The following GRK5 variants were observed in gnomAD, a reference collection of about 807,000 sequenced individuals.
GRK5 encodes the protein g protein-coupled receptor kinase GRK5.
GRK5 carries 40 observed loss-of-function variants against 78.4 expected under a neutral mutation model. The observed-to-expected ratio is 0.51, with a 90% CI of 0.40 to 0.66. GRK5 has a LOEUF of 0.66. Ranked by LOEUF, GRK5 falls within the 30% of genes least tolerant of loss-of-function variation. GRK5 has a pLI of 0.00. For missense variants in GRK5, 598 were observed against 759.9 expected (o/e 0.79, Z 2.50); for synonymous variants, 289 against 296.8 (o/e 0.97, Z 0.27).
intron 3 of GRK5, among the ~76,000 whole-genome samples, chr10:119,384,114 C>T (rs1251618150): frequency 6.6e-5 from 10 of 152,182 alleles, no homozygotes; most frequent in Non-Finnish European, 5.9e-5. Context: ...CCACTTCTGG[C>T]GTTTCTGACT....
chr10:119,314,263 G>A (rs1395224683), intron 1 of GRK5, among the ~76,000 whole-genome samples: 3 of 152,328 alleles, frequency 2.0e-5, no homozygotes, highest in South Asian at 2.1e-4. Context: ...CCCTCTCGCC[G>A]CCTCCTGGCC....
intron 1 of GRK5, among the ~76,000 whole-genome samples, chr10:119,260,006 GT>G (rs1033351828): frequency 7.5e-5 from 11 of 146,728 alleles, no homozygotes; most frequent in Non-Finnish European, 7.6e-5. Context: ...GAGATCAGTT[GT>G]TTTTTTTTTT....
intron 1 of GRK5, among the ~76,000 whole-genome samples, chr10:119,241,482 A>G (rs1291971564): frequency 2.0e-5 from 3 of 152,228 alleles, no homozygotes; most frequent in Admixed American, 2.0e-4. Flanking sequence ...CCACACCGTT[A>G]ACTGCAAACT....
At chr10:119,305,462 C>G (rs1850258792) in intron 1 of GRK5, among the ~76,000 whole-genome samples, 1 of 152,222 alleles carries the variant, frequency 6.6e-6, no homozygotes, top group Non-Finnish European at 1.5e-5. Context: ...GGTCTCTGTC[C>G]TCTTGGGTGG....
chr10:119,380,754 C>A (rs912766390), intron 2 of GRK5, 61 bp from the exon 3 acceptor site: 1 of 1,031,852 alleles, frequency 9.7e-7, no homozygotes, highest in Non-Finnish European at 1.5e-6. Context: ...GTGGGAATGA[C>A]AGGAAGGCCC....
chr10:119,228,428 C>T (rs1320690102), intron 1 of GRK5, among the ~76,000 whole-genome samples: 2 of 138,740 alleles, frequency 1.4e-5, no homozygotes, highest in East Asian at 2.1e-4. Context: ...GCCTGGGCAA[C>T]ATAGTGAGAC....
chr10:119,404,437 A>C (rs556628816), intron 4 of GRK5, among the ~76,000 whole-genome samples: 2 of 152,332 alleles, frequency 1.3e-5, no homozygotes, highest in East Asian at 3.9e-4. Context: ...TATGACTTAC[A>C]CATATTTTCT....
intron 1 of GRK5, among the ~76,000 whole-genome samples, chr10:119,278,453 A>C (rs774598606): frequency 6.6e-6 from 1 of 152,080 alleles, no homozygotes; most frequent in African/African-American, 2.4e-5. Flanking sequence ...TGTGTCCCAC[A>C]GGGAGGTCTT....
intron 1 of GRK5, among the ~76,000 whole-genome samples, chr10:119,296,753 G>A (rs577366793): frequency 6.6e-6 from 1 of 152,198 alleles, no homozygotes. Flanking sequence ...CAACCCTTGA[G>A]GGGGGTTGTA....
chr10:119,365,028 C>A (rs957523485), intron 2 of GRK5, among the ~76,000 whole-genome samples: 1 of 152,102 alleles, frequency 6.6e-6, no homozygotes, highest in Admixed American at 6.6e-5. Context: ...CAGTTACAGA[C>A]CTGTTTCAAG....
At chr10:119,442,708 G>C (rs1290997667) in intron 11 of GRK5, among the ~76,000 whole-genome samples, 1 of 152,232 alleles carries the variant, frequency 6.6e-6, no homozygotes, top group Non-Finnish European at 1.5e-5. Flanking sequence ...GAGCAGGCAC[G>C]CTGCCGCCCT....
chr10:119,439,092 C>T (rs1229413472), intron 9 of GRK5, among the ~76,000 whole-genome samples: 1 of 152,248 alleles, frequency 6.6e-6, no homozygotes, highest in Admixed American at 6.5e-5. Context: ...ATAAAAGCAG[C>T]TCCTCTGCTG....
chr10:119,241,084 T>C (rs1417861831), intron 1 of GRK5, among the ~76,000 whole-genome samples: 1 of 152,136 alleles, frequency 6.6e-6, no homozygotes, highest in Non-Finnish European at 1.5e-5. Flanking sequence ...GATCGGAGAC[T>C]GGAAAAAAAT....
intron 1 of GRK5, among the ~76,000 whole-genome samples, chr10:119,266,412 G>A (rs932016797): frequency 6.6e-5 from 10 of 152,010 alleles, no homozygotes; most frequent in African/African-American, 2.4e-4. Flanking sequence ...GCAGTGAGCC[G>A]AGATGGCGCC....
At position 119,431,569 on chromosome 10, in the gene GRK5, T is replaced by C. The variant is rs1341183029; in HGVS notation, c.738+42T>C. On this transcript the variant is annotated intron_variant, in intron 8 of 15. Coordinates refer to ENST00000392870, the MANE Select transcript of GRK5 (RefSeq NM_005308.3). This position sits in a 1 kb window ranked among gnomAD's most constrained non-coding sequence, Gnocchi z 4.8. ...GCCCAGTGACCGGCTCGCCCTTCTG[T>C]GGACTGGGGCTTCCCTCCCTCCGGA... The C allele has an allele frequency of 6.3e-7, 1 of 1,594,756 alleles. No individual in the cohort carries two copies. Among genetic ancestry groups the C allele is most frequent in the Non-Finnish European group, 8.5e-7 (1 of 1,169,780 alleles).
intron 1 of GRK5, among the ~76,000 whole-genome samples, chr10:119,277,519 C>A (rs1446751782): frequency 6.6e-6 from 1 of 152,208 alleles, no homozygotes; most frequent in Non-Finnish European, 1.5e-5. Flanking sequence ...CAGACCTTGA[C>A]TCTCCAGGCT....
chr10:119,441,971 G>A (rs1853045580), intron 10 of GRK5, 28 bp from the exon 11 acceptor site: 1 of 1,596,430 alleles, frequency 6.3e-7, no homozygotes, highest in Non-Finnish European at 8.6e-7. Flanking sequence ...CTGTCCCAGG[G>A]ACCCACTGAC....
chr10:119,441,557 G>C (rs763299006), intron 10 of GRK5, among the ~76,000 whole-genome samples: 3 of 152,226 alleles, frequency 2.0e-5, no homozygotes, highest in Admixed American at 2.0e-4. Context: ...AATCTCCAGA[G>C]ACCAACAAGG....
chr10:119,282,756 C>T (rs1849782146), intron 1 of GRK5, among the ~76,000 whole-genome samples: 1 of 152,194 alleles, frequency 6.6e-6, no homozygotes, highest in Non-Finnish European at 1.5e-5. Context: ...TCAGGAGAGT[C>T]CAGGGTTGGC....
Sources: allele counts gnomAD v4.1 joint callset (sites outside exome capture counted in the v4.1 genomes callset), GRCh38; gene constraint gnomAD v4.1.1; non-coding constraint Gnocchi (gnomAD v3.1); transcripts MANE v1.5; gene names NCBI Gene and HGNC (gene_info 2026-07-23, HGNC 2026-07-21).